Variants in SGCD observed in about 807,000 individuals in gnomAD.
SGCD encodes delta-sarcoglycan.
A neutral mutation model predicts 36.6 loss-of-function variants in SGCD; 18 were observed. The observed-to-expected ratio is 0.49, with a 90% confidence interval of 0.34 to 0.73. The LOEUF (loss-of-function observed/expected upper bound fraction) is 0.73. Among genes scored for constraint, SGCD ranks in the 30% least tolerant of loss-of-function variants. SGCD has a pLI of 0.01. For missense variants in SGCD, 387 were observed against 346.7 expected (o/e 1.12, Z -0.92); for synonymous variants, 133 against 130.6 (o/e 1.02, Z -0.12).
chr5:156,297,244 T>C (rs1198715767), intron 3 of SGCD, among the ~76,000 whole-genome samples: 1 of 152,042 alleles, frequency 6.6e-6, no homozygotes, highest in East Asian at 1.9e-4. Context: ...TCCTCAGGGA[T>C]CTAGAACTGG....
chr5:156,749,763 G>T (rs1757082421), intron 7 of SGCD, among the ~76,000 whole-genome samples: 1 of 152,012 alleles, frequency 6.6e-6, no homozygotes, highest in Non-Finnish European at 1.5e-5. Flanking sequence ...CCTCTATGAG[G>T]CTGTAATTAT....
At chr5:155,865,487 T>A (rs964870606), upstream of SGCD, among the ~76,000 whole-genome samples, 1 of 152,190 alleles carries the variant, frequency 6.6e-6, no homozygotes, top group Non-Finnish European at 1.5e-5. Flanking sequence ...TAATTGTGAA[T>A]GTTGTCTTTT....
intron 2 of SGCD, among the ~76,000 whole-genome samples, chr5:156,339,327 T>C (rs1768524166): frequency 6.6e-6 from 1 of 152,190 alleles, no homozygotes; most frequent in Non-Finnish European, 1.5e-5. Flanking sequence ...ACATTGAAAA[T>C]AGTTTTATGA....
intron 7 of SGCD, among the ~76,000 whole-genome samples, chr5:156,656,223 T>TTA (rs1763671416): frequency 1.3e-5 from 2 of 152,302 alleles, no homozygotes; most frequent in South Asian, 4.1e-4. Flanking sequence ...AATAAAGTAA[T>TTA]TTTTAAAAAC....
At chr5:156,541,916 C>T (rs907519553) in intron 4 of SGCD, among the ~76,000 whole-genome samples, 5 of 152,122 alleles carry the variant, frequency 3.3e-5, no homozygotes, top group African/African-American at 1.2e-4. Flanking sequence ...ATACTATTTC[C>T]CAGGGCTAAA....
intron 7 of SGCD, among the ~76,000 whole-genome samples, chr5:156,656,183 A>T (rs1217112666): frequency 2.0e-5 from 3 of 152,150 alleles, no homozygotes; most frequent in Non-Finnish European, 2.9e-5. Flanking sequence ...TAATATGCTG[A>T]TGTGCTCTTA....
At chr5:156,636,025 TAAAGTG>T (rs915904900) in intron 6 of SGCD, among the ~76,000 whole-genome samples, 21 of 151,940 alleles carry the variant, frequency 1.4e-4, no homozygotes, top group African/African-American at 5.1e-4. Flanking sequence ...CCCTAAAACT[TAAAGTG>T]TAATAAAAAA....
At chr5:156,364,736 G>A (rs1288036367) in intron 3 of SGCD, among the ~76,000 whole-genome samples, 3 of 152,180 alleles carry the variant, frequency 2.0e-5, no homozygotes, top group Non-Finnish European at 4.4e-5. Flanking sequence ...ACAGGACAGT[G>A]CTTCAAGAAT....
chr5:156,586,861 T>C (rs936482395), intron 4 of SGCD, among the ~76,000 whole-genome samples: 2 of 152,182 alleles, frequency 1.3e-5, no homozygotes, highest in Non-Finnish European at 2.9e-5. Flanking sequence ...CATGTAGCTT[T>C]TGTTTGTTTG....
chr5:156,015,153 A>G (rs1479870825), intron 1 of SGCD, among the ~76,000 whole-genome samples: 1 of 151,670 alleles, frequency 6.6e-6, no homozygotes, highest in Non-Finnish European at 1.5e-5. Context: ...TGTTTTTCTA[A>G]CTCCTCTGTA....
chr5:155,776,414 A>G, the SGCD span, among the ~76,000 whole-genome samples: 1 of 152,192 alleles, frequency 6.6e-6, no homozygotes, highest in African/African-American at 2.4e-5. Context: ...ACTGTGGGAA[A>G]TAAATGAGAC....
intron 3 of SGCD, among the ~76,000 whole-genome samples, chr5:156,384,544 C>T (rs1339903379): frequency 6.6e-6 from 1 of 152,118 alleles, no homozygotes; most frequent in Non-Finnish European, 1.5e-5. Context: ...GACGATAGAA[C>T]ACCATATGTG....
intron 1 of SGCD, among the ~76,000 whole-genome samples, chr5:155,920,995 G>C: frequency 6.6e-6 from 1 of 152,114 alleles, no homozygotes; most frequent in African/African-American, 2.4e-5. Flanking sequence ...AGCAATGGGG[G>C]TGATAACAGT....
intron 1 of SGCD, among the ~76,000 whole-genome samples, chr5:156,105,377 C>A (rs893817210): frequency 9.2e-5 from 14 of 152,124 alleles, no homozygotes; most frequent in African/African-American, 3.4e-4. Context: ...AATTTTTTGG[C>A]AGACTTATGA....
chr5:156,722,136 TCTG>T (rs1755539752), intron 7 of SGCD, among the ~76,000 whole-genome samples: 1 of 152,192 alleles, frequency 6.6e-6, no homozygotes, highest in Admixed American at 6.5e-5. Flanking sequence ...GGAACGCCAT[TCTG>T]CTGACTAACT....
At chr5:156,649,246 C>G (rs578183295) in intron 7 of SGCD, among the ~76,000 whole-genome samples, 1 of 152,220 alleles carries the variant, frequency 6.6e-6, no homozygotes, top group African/African-American at 2.4e-5. Flanking sequence ...AATAGGAACA[C>G]TTTTACAGTG....
intron 1 of SGCD, among the ~76,000 whole-genome samples, chr5:155,916,653 A>C (rs1432190180): frequency 1.3e-5 from 2 of 152,206 alleles, no homozygotes; most frequent in Non-Finnish European, 2.9e-5. Context: ...CAGATACAAA[A>C]CATGCATTGT....
chr5:155,853,799 C>T, the SGCD span, among the ~76,000 whole-genome samples: 16 of 152,172 alleles, frequency 1.1e-4, no homozygotes, highest in Non-Finnish European at 2.2e-4. Context: ...CATTTCTGAC[C>T]TTAGTTTCCC....
At chr5:156,433,300 G>T (rs12655391) in intron 3 of SGCD, among the ~76,000 whole-genome samples, 3,376 of 152,190 alleles carry the variant, frequency 0.022, 181 homozygotes, top group East Asian at 0.16. Context: ...TAGTAAGTTG[G>T]GGAGTGGGGA....
Sources: allele counts gnomAD v4.1 joint callset (sites outside exome capture counted in the v4.1 genomes callset), GRCh38; gene constraint gnomAD v4.1.1; transcripts MANE v1.5; gene names NCBI Gene and HGNC (gene_info 2026-07-23, HGNC 2026-07-21).